The following CNTNAP2 variants were observed in gnomAD, a reference collection of about 807,000 sequenced individuals.
CNTNAP2 encodes contactin associated protein 2.
Under a neutral mutation model 155.2 loss-of-function variants are expected in CNTNAP2, and 98 were observed. The ratio of observed to expected loss-of-function variants is 0.63; its 90% CI spans 0.54 to 0.75. The LOEUF is 0.75. Ranked by LOEUF, CNTNAP2 falls within the 30% of genes least tolerant of loss-of-function variation. The pLI is 0.00. For missense variants in CNTNAP2, 1,727 were observed against 1,688.1 expected, an observed-to-expected ratio of 1.02 and a Z score of -0.40; for synonymous variants, 651 against 631.2, an observed-to-expected ratio of 1.03 and a Z score of -0.47.
chr7:146,280,724 A>C (rs1800237969), intron 1 of CNTNAP2, among the ~76,000 whole-genome samples: 1 of 152,186 alleles, frequency 6.6e-6, no homozygotes, highest in Non-Finnish European at 1.5e-5. Context: ...TGGTTCAGGC[A>C]TAGACATTTT....
At chr7:146,568,406 T>C (rs961726600) in intron 1 of CNTNAP2, among the ~76,000 whole-genome samples, 1 of 152,230 alleles carries the variant, frequency 6.6e-6, no homozygotes, top group African/African-American at 2.4e-5. Context: ...CCTATTTTGT[T>C]AATACAAAGG....
chr7:147,042,284 T>C (rs929794574), intron 3 of CNTNAP2, among the ~76,000 whole-genome samples: 8 of 152,234 alleles, frequency 5.3e-5, no homozygotes, highest in Non-Finnish European at 7.3e-5. Flanking sequence ...AAACATGTAA[T>C]TGTCCATGTT....
chr7:147,427,270 T>C (rs1030476373), intron 10 of CNTNAP2, among the ~76,000 whole-genome samples: 2 of 152,092 alleles, frequency 1.3e-5, no homozygotes, highest in Admixed American at 6.6e-5. Context: ...TTAATACAGT[T>C]GCATTGGGGA....
chr7:146,171,697 A>C (rs1226660622), intron 1 of CNTNAP2, among the ~76,000 whole-genome samples: 1 of 152,194 alleles, frequency 6.6e-6, no homozygotes, highest in East Asian at 1.9e-4. Context: ...ATGTAAAAGA[A>C]AAGATGTGTT....
intron 22 of CNTNAP2, among the ~76,000 whole-genome samples, chr7:148,393,911 A>T (rs1443363829): frequency 6.6e-6 from 1 of 151,828 alleles, no homozygotes; most frequent in Non-Finnish European, 1.5e-5. Flanking sequence ...AATTATTTAT[A>T]TCTTTATATT....
In CNTNAP2 at chr7:147,922,014, A is replaced by T. The variant is rs17834387; in HGVS notation, c.2255+18293A>T. Among the ~76,000 whole-genome samples the T allele has an allele frequency of 5.7e-3, 875 of 152,332 alleles. 3 individuals are homozygous for T. Among genetic ancestry groups the T allele is most frequent in the Non-Finnish European group, 9.8e-3 (664 of 68,032 alleles). On this transcript the variant is annotated intron_variant, in intron 14 of 23. Coordinates refer to ENST00000361727, the MANE Select transcript of CNTNAP2 (RefSeq NM_014141.6). ...GCCCTAGTGAAAATTGTTAAGAATG[A>T]TTCTGGCAAGTCCCATATTAGCCAT...
intron 13 of CNTNAP2, among the ~76,000 whole-genome samples, chr7:147,708,932 G>T (rs866019064): frequency 1.6e-4 from 24 of 152,144 alleles, no homozygotes; most frequent in African/African-American, 4.8e-4. Flanking sequence ...GTTAATACAT[G>T]ATTTTTTCTA....
chr7:147,071,173 C>T (rs892728608), intron 4 of CNTNAP2, among the ~76,000 whole-genome samples: 1 of 152,088 alleles, frequency 6.6e-6, no homozygotes, highest in Non-Finnish European at 1.5e-5. Context: ...ATTTCATCGG[C>T]AAATGGCCCA....
At chr7:147,212,289 C>T (rs913829624) in intron 8 of CNTNAP2, among the ~76,000 whole-genome samples, 1 of 152,070 alleles carries the variant, frequency 6.6e-6, no homozygotes. Flanking sequence ...GATACATGCA[C>T]TCATATGTTC....
At chr7:146,383,071 A>T (rs1000554044) in intron 1 of CNTNAP2, among the ~76,000 whole-genome samples, 2 of 152,154 alleles carry the variant, frequency 1.3e-5, no homozygotes, top group African/African-American at 4.8e-5. Flanking sequence ...TTTTCATTGA[A>T]CTCATTGATT....
At chr7:147,315,454 C>T (rs1795207878) in intron 9 of CNTNAP2, among the ~76,000 whole-genome samples, 2 of 142,712 alleles carry the variant, frequency 1.4e-5, no homozygotes, top group South Asian at 4.6e-4. Context: ...TACTTCCTGT[C>T]TCTATGGATT....
chr7:147,439,780 T>C (rs1412814683), intron 10 of CNTNAP2, among the ~76,000 whole-genome samples: 1 of 152,102 alleles, frequency 6.6e-6, no homozygotes, highest in East Asian at 1.9e-4. Flanking sequence ...GGTGCATATA[T>C]ATTTAAAATT....
intron 15 of CNTNAP2, among the ~76,000 whole-genome samples, chr7:148,104,818 AT>A (rs1180298551): frequency 1.3e-5 from 2 of 152,096 alleles, no homozygotes; most frequent in African/African-American, 2.4e-5. Flanking sequence ...GTGTCCAAAC[AT>A]CCAAACAAAT....
intron 12 of CNTNAP2, among the ~76,000 whole-genome samples, chr7:147,628,338 A>G (rs979288008): frequency 6.6e-6 from 1 of 152,234 alleles, no homozygotes; most frequent in Non-Finnish European, 1.5e-5. Flanking sequence ...TAGCCTTCTG[A>G]AACAAAATAA....
chr7:146,666,912 A>G (rs1464699660), intron 1 of CNTNAP2, among the ~76,000 whole-genome samples: 1 of 152,048 alleles, frequency 6.6e-6, no homozygotes, highest in African/African-American at 2.4e-5. Context: ...GAGTTTGCAA[A>G]TATTTTATCT....
intron 13 of CNTNAP2, among the ~76,000 whole-genome samples, chr7:147,832,628 A>G (rs1003264452): frequency 6.8e-6 from 1 of 146,050 alleles, no homozygotes; most frequent in Admixed American, 6.9e-5. Context: ...TTATATTTTT[A>G]TATAAAGCAA....
intron 2 of CNTNAP2, among the ~76,000 whole-genome samples, chr7:146,796,115 A>G (rs1802763749): frequency 6.6e-6 from 1 of 152,212 alleles, no homozygotes; most frequent in Non-Finnish European, 1.5e-5. Context: ...GAATATATGC[A>G]TATATGATAA....
At chr7:147,784,332 A>G (rs1232114456) in intron 13 of CNTNAP2, among the ~76,000 whole-genome samples, 4 of 145,460 alleles carry the variant, frequency 2.7e-5, no homozygotes, top group Non-Finnish European at 6.0e-5. Flanking sequence ...ACAAAAAAGA[A>G]CATTTTAAAA....
rs151045773 is a variant in CNTNAP2 at position 148,015,709 on chromosome 7, C to T, written c.2383+37720C>T. On this transcript the variant is annotated intron_variant, in intron 15 of 23. Coordinates refer to ENST00000361727, the MANE Select transcript of CNTNAP2 (RefSeq NM_014141.6). ...CTTTCATCCTCAACAGGGCATGTTA[C>T]GCCAGAGACAGATCCTTCTGCATGC... Among the ~76,000 whole-genome samples, 441 of 152,294 alleles carry T rather than the reference C, an allele frequency of 2.9e-3. 1 individual carries two copies. Among genetic ancestry groups the T allele is most frequent in the African/African-American group, 1.0e-2 (415 of 41,560 alleles).
Sources: allele counts gnomAD v4.1 joint callset (sites outside exome capture counted in the v4.1 genomes callset), GRCh38; gene constraint gnomAD v4.1.1; transcripts MANE v1.5; gene names NCBI Gene and HGNC (gene_info 2026-07-23, HGNC 2026-07-21).